The following NETO1 variants were observed in gnomAD, a reference collection of about 807,000 sequenced individuals.
The protein encoded by NETO1 is neuropilin and tolloid-like protein 1.
NETO1 carries 26 observed loss-of-function variants against 61.3 expected under a neutral mutation model. That is an observed-to-expected ratio of 0.42 (90% CI 0.31 to 0.59). NETO1 has a LOEUF of 0.59. Among genes scored for constraint, NETO1 ranks in the 20% least tolerant of loss-of-function variants. The pLI is 0.12. For missense variants in NETO1, 531 were observed against 662.8 expected, an observed-to-expected ratio of 0.80 and a Z score of 2.18; for synonymous variants, 225 against 225.8, an observed-to-expected ratio of 1.00 and a Z score of 0.03.
At chr18:72,827,773 G>C (rs931311094) in intron 4 of NETO1, among the ~76,000 whole-genome samples, 8 of 151,506 alleles carry the variant, frequency 5.3e-5, no homozygotes, top group Middle Eastern at 6.9e-3. Flanking sequence ...AATTGTCCTT[G>C]CTGTTTGGGC....
intron 7 of NETO1, among the ~76,000 whole-genome samples, chr18:72,759,983 A>G (rs1043149464): frequency 6.6e-6 from 1 of 152,194 alleles, no homozygotes; most frequent in African/African-American, 2.4e-5. Flanking sequence ...TAGCAAATAG[A>G]GCTTCCCATT....
At chr18:72,819,745 T>C (rs1257686378) in intron 4 of NETO1, among the ~76,000 whole-genome samples, 1 of 152,018 alleles carries the variant, frequency 6.6e-6, no homozygotes, top group Non-Finnish European at 1.5e-5. Flanking sequence ...AAAATAATAT[T>C]AAACACAAAA....
intron 4 of NETO1, among the ~76,000 whole-genome samples, chr18:72,797,249 T>G (rs2072347625): frequency 6.6e-6 from 1 of 152,192 alleles, no homozygotes; most frequent in African/African-American, 2.4e-5. Flanking sequence ...AAGGCTAACA[T>G]TTGTCATTTT....
At chr18:72,769,216 T>C (rs1316334645) in intron 7 of NETO1, among the ~76,000 whole-genome samples, 3 of 152,158 alleles carry the variant, frequency 2.0e-5, no homozygotes, top group Non-Finnish European at 4.4e-5. Flanking sequence ...TTCAAGGGTG[T>C]ACGCACTCAT....
At chr18:72,840,762 G>C (rs1396706004) in intron 4 of NETO1, among the ~76,000 whole-genome samples, 1 of 152,172 alleles carries the variant, frequency 6.6e-6, no homozygotes. Context: ...AAATTTCCTA[G>C]TGAGACCAGT....
At chr18:72,864,134 G>A (rs910500730) in intron 3 of NETO1, among the ~76,000 whole-genome samples, 3 of 151,984 alleles carry the variant, frequency 2.0e-5, no homozygotes, top group East Asian at 1.9e-4. Context: ...CAGGAGAATC[G>A]CTGGAACTCA....
rs185314304 is a variant in NETO1 at position 72,864,124 on chromosome 18, C to G, written c.220+684G>C. ...ATCCCAGCTACTCGGGAGGCTGAGGCAGGAGAATCGCTGGAACTCAGGGGA... is the reference window on the plus strand; with the variant it reads ...ATCCCAGCTACTCGGGAGGCTGAGGGAGGAGAATCGCTGGAACTCAGGGGA... On this transcript the variant is annotated intron_variant, in intron 3 of 10. Transcript: ENST00000327305. Among the ~76,000 whole-genome samples, 3 of 151,900 alleles carry G rather than the reference C, an allele frequency of 2.0e-5. No individual in the cohort carries two copies. The East Asian group carries it at 5.8e-4, about 29-fold the overall frequency.
At chr18:72,753,993 T>C (rs749168546) in intron 8 of NETO1, among the ~76,000 whole-genome samples, 1 of 152,124 alleles carries the variant, frequency 6.6e-6, no homozygotes, top group Non-Finnish European at 1.5e-5. Flanking sequence ...GTAATAATTA[T>C]TGCAATGTAT....
At chr18:72,851,081 A>T (rs770687775) in intron 4 of NETO1, among the ~76,000 whole-genome samples, 1 of 152,140 alleles carries the variant, frequency 6.6e-6, no homozygotes, top group Non-Finnish European at 1.5e-5. Flanking sequence ...TCACAGGAAA[A>T]ACCCAAAGAA....
At chr18:72,861,119 T>C (rs2074558774) in intron 3 of NETO1, among the ~76,000 whole-genome samples, 1 of 152,192 alleles carries the variant, frequency 6.6e-6, no homozygotes, top group Admixed American at 6.5e-5. Flanking sequence ...CTAACATGAA[T>C]TCACTTCTCC....
At chr18:72,753,714 CTT>C (rs888737583) in intron 8 of NETO1, among the ~76,000 whole-genome samples, 1 of 152,074 alleles carries the variant, frequency 6.6e-6, no homozygotes, top group African/African-American at 2.4e-5. Context: ...TCACTTAACT[CTT>C]TTAAAAAAGC....
intron 7 of NETO1, among the ~76,000 whole-genome samples, chr18:72,766,798 G>T (rs7231879): frequency 0.99 from 150,930 of 152,288 alleles, 74,806 homozygotes; most frequent in East Asian, 1. Flanking sequence ...ATCTTTCCTT[G>T]TATGTGGGGT....
At chr18:72,793,098 G>A (rs1267896078) in intron 6 of NETO1, among the ~76,000 whole-genome samples, 1 of 152,160 alleles carries the variant, frequency 6.6e-6, no homozygotes, top group Non-Finnish European at 1.5e-5. Flanking sequence ...CTAAACGGAA[G>A]CACCTGAGAA....
intron 4 of NETO1, among the ~76,000 whole-genome samples, chr18:72,803,348 C>G (rs917207333): frequency 2.6e-5 from 4 of 152,114 alleles, no homozygotes; most frequent in African/African-American, 9.7e-5. Context: ...AACAAGGATG[C>G]ATGTGGAACA....
intron 8 of NETO1, among the ~76,000 whole-genome samples, chr18:72,753,867 A>G (rs934372911): frequency 9.9e-5 from 15 of 152,188 alleles, no homozygotes; most frequent in Admixed American, 3.3e-4. Context: ...AAATCTAGAA[A>G]AACAAATGAA....
intron 4 of NETO1, among the ~76,000 whole-genome samples, chr18:72,800,523 C>T (rs958531195): frequency 1.6e-4 from 25 of 152,094 alleles, no homozygotes; most frequent in African/African-American, 6.0e-4. Flanking sequence ...AAAACAGGCT[C>T]AGGGCTCCCA....
intron 4 of NETO1, among the ~76,000 whole-genome samples, chr18:72,821,971 G>A (rs1435488634): frequency 6.6e-6 from 1 of 152,158 alleles, no homozygotes; most frequent in Non-Finnish European, 1.5e-5. Flanking sequence ...CTATGCAGGT[G>A]GGAGTGGGGC....
intron 4 of NETO1, among the ~76,000 whole-genome samples, chr18:72,819,071 A>G (rs1423455371): frequency 1.3e-5 from 2 of 152,154 alleles, no homozygotes; most frequent in Admixed American, 6.5e-5. Context: ...TTATAAAGCC[A>G]TGAGTGAATC....
At chr18:72,795,400 T>C (rs183114932) in intron 4 of NETO1, among the ~76,000 whole-genome samples, 26 of 152,344 alleles carry the variant, frequency 1.7e-4, no homozygotes, top group Admixed American at 1.5e-3. Flanking sequence ...CTAACTGTGA[T>C]GAAGAGCATA....
Sources: allele counts gnomAD v4.1 joint callset (sites outside exome capture counted in the v4.1 genomes callset), GRCh38; gene constraint gnomAD v4.1.1; transcripts MANE v1.5; gene names NCBI Gene and HGNC (gene_info 2026-07-23, HGNC 2026-07-21).